DPP10: variants seen among roughly 807,000 people sequenced by gnomAD.
The protein encoded by DPP10 is dipeptidyl peptidase like 10.
DPP10 carries 33 observed loss-of-function variants against 120.9 expected under a neutral mutation model. The ratio of observed to expected loss-of-function variants is 0.27; its 90% CI spans 0.21 to 0.37. The LOEUF (loss-of-function observed/expected upper bound fraction) is 0.37. DPP10 is among the 10% of genes least tolerant of loss of function. The pLI, the probability that DPP10 is intolerant of heterozygous loss-of-function variation, is 1.00. For synonymous variants in DPP10, 337 were observed against 326.1 expected, an observed-to-expected ratio of 1.03 and a Z score of -0.36; for missense variants, 816 against 942.8, an observed-to-expected ratio of 0.87 and a Z score of 1.76.
At chr2:115,220,071 A>C (rs1173983846) in intron 1 of DPP10, among the ~76,000 whole-genome samples, 1 of 152,108 alleles carries the variant, frequency 6.6e-6, no homozygotes, top group Non-Finnish European at 1.5e-5. Flanking sequence ...CTTTACTTCA[A>C]CCTCATAAAA....
At chr2:114,689,065 GT>G (rs1049384980) in intron 1 of DPP10, among the ~76,000 whole-genome samples, 2 of 150,390 alleles carry the variant, frequency 1.3e-5, no homozygotes, top group Admixed American at 6.6e-5. Flanking sequence ...TTAATTTCTA[GT>G]TTTTTTTTCT....
At chr2:115,525,442 C>T (rs2078070036) in intron 4 of DPP10, among the ~76,000 whole-genome samples, 1 of 152,066 alleles carries the variant, frequency 6.6e-6, no homozygotes. Context: ...TAAAGAGAGT[C>T]TGTCTTTAAT....
At chr2:115,317,170 A>G (rs897085497) in intron 2 of DPP10, among the ~76,000 whole-genome samples, 2 of 152,006 alleles carry the variant, frequency 1.3e-5, no homozygotes, top group Admixed American at 6.6e-5. Context: ...GTTGCTCCTC[A>G]TATCCCACCT....
chr2:115,226,862 T>C (rs2057459127), intron 1 of DPP10, among the ~76,000 whole-genome samples: 1 of 152,166 alleles, frequency 6.6e-6, no homozygotes, highest in South Asian at 2.1e-4. Context: ...TACATTTGTA[T>C]AACCAATTGT....
chr2:115,368,242 A>AG (rs2065193736), intron 3 of DPP10, among the ~76,000 whole-genome samples: 1 of 152,104 alleles, frequency 6.6e-6, no homozygotes, highest in African/African-American at 2.4e-5. Flanking sequence ...ATAAAGCCTA[A>AG]GCCTGGGGAC....
At chr2:114,845,343 G>T (rs1293643730) in intron 1 of DPP10, among the ~76,000 whole-genome samples, 2 of 152,090 alleles carry the variant, frequency 1.3e-5, no homozygotes, top group Admixed American at 1.3e-4. Context: ...GGGACAGGGG[G>T]TATATAAGAA....
intron 1 of DPP10, among the ~76,000 whole-genome samples, chr2:114,881,921 C>A (rs1454852898): frequency 6.6e-6 from 1 of 151,992 alleles, no homozygotes; most frequent in Non-Finnish European, 1.5e-5. Context: ...ACATAATGAT[C>A]ATCAAAATCC....
chr2:115,333,619 G>A (rs1253370498), intron 2 of DPP10, among the ~76,000 whole-genome samples: 1 of 152,026 alleles, frequency 6.6e-6, no homozygotes. Flanking sequence ...GGCAGGCCTG[G>A]TGGTGACAAA....
chr2:114,925,017 C>T (rs1695502871), intron 1 of DPP10, among the ~76,000 whole-genome samples: 1 of 152,056 alleles, frequency 6.6e-6, no homozygotes, highest in South Asian at 2.1e-4. Flanking sequence ...TGAGACCAGC[C>T]TGGCTAACAC....
chr2:114,941,861 G>A (rs932186659), intron 1 of DPP10, among the ~76,000 whole-genome samples: 34 of 151,946 alleles, frequency 2.2e-4, no homozygotes, highest in African/African-American at 7.7e-4. Flanking sequence ...ATGAGGACGT[G>A]GTAAAATTTC....
intron 5 of DPP10, among the ~76,000 whole-genome samples, chr2:115,675,864 GC>G (rs2090210939): frequency 6.6e-6 from 1 of 152,126 alleles, no homozygotes; most frequent in South Asian, 2.1e-4. Flanking sequence ...AGGACGAATA[GC>G]CCCTGCATTT....
chr2:115,595,936 AT>A (rs1009332904), intron 5 of DPP10, among the ~76,000 whole-genome samples: 1 of 151,902 alleles, frequency 6.6e-6, no homozygotes, highest in Non-Finnish European at 1.5e-5. Flanking sequence ...TTTTAATTTT[AT>A]TTATTACAGT....
intron 3 of DPP10, among the ~76,000 whole-genome samples, chr2:115,402,106 G>A (rs2068113635): frequency 6.6e-6 from 1 of 152,062 alleles, no homozygotes; most frequent in African/African-American, 2.4e-5. Context: ...AAAGAAAAAT[G>A]GAAATCAAAT....
At chr2:114,545,565 C>A (rs985837267) in intron 1 of DPP10, among the ~76,000 whole-genome samples, 1 of 152,218 alleles carries the variant, frequency 6.6e-6, no homozygotes. Context: ...GAGTACTTCT[C>A]ATGCAGGGGA....
rs749048990 is a variant in DPP10 at position 115,791,064 on chromosome 2, C to A, written c.1532-17C>A. The A allele has an allele frequency of 1.9e-6, 3 of 1,589,570 alleles. No individual in the cohort carries two copies. In the South Asian group the frequency reaches 3.4e-5, roughly 18 times the overall value. On this transcript the variant is annotated splice_polypyrimidine_tract_variant and intron_variant, in intron 17 of 25. Coordinates refer to ENST00000410059, the MANE Select transcript of DPP10 (RefSeq NM_020868.6). Reference sequence around the variant, plus strand: ...GCATAGGGGTTAGCTATTTACACTACCCTTTTTGGTTTACAGAATATTTTA... The same window carrying A: ...GCATAGGGGTTAGCTATTTACACTAACCTTTTTGGTTTACAGAATATTTTA...
chr2:115,079,099 G>A (rs1428507490), intron 1 of DPP10, among the ~76,000 whole-genome samples: 2 of 152,148 alleles, frequency 1.3e-5, no homozygotes, highest in Admixed American at 1.3e-4. Context: ...AGAAATCCTC[G>A]GCCGGGCGCG....
chr2:115,776,873 TTA>T (rs1303022138), intron 13 of DPP10, among the ~76,000 whole-genome samples: 1 of 150,140 alleles, frequency 6.7e-6, no homozygotes, highest in Non-Finnish European at 1.5e-5. Context: ...TTTTTTTTTT[TTA>T]AAGCTAACTG....
intron 1 of DPP10, among the ~76,000 whole-genome samples, chr2:115,164,337 T>A (rs1479456925): frequency 6.6e-6 from 1 of 152,000 alleles, no homozygotes; most frequent in Non-Finnish European, 1.5e-5. Context: ...TTATTAGCCA[T>A]ATTAGTCATT....
intron 5 of DPP10, among the ~76,000 whole-genome samples, chr2:115,562,822 T>C (rs2080770311): frequency 1.3e-5 from 2 of 152,216 alleles, no homozygotes; most frequent in Non-Finnish European, 2.9e-5. Context: ...GTTGGCTTTA[T>C]CAAAAGCCTT....
Sources: allele counts gnomAD v4.1 joint callset (sites outside exome capture counted in the v4.1 genomes callset), GRCh38; gene constraint gnomAD v4.1.1; transcripts MANE v1.5; gene names NCBI Gene and HGNC (gene_info 2026-07-23, HGNC 2026-07-21).